Variants in INPP5D observed in about 807,000 individuals in gnomAD.
INPP5D encodes the protein inositol polyphosphate-5-phosphatase D, also known as phosphatidylinositol 3,4,5-trisphosphate 5-phosphatase 1.
In INPP5D, 33 loss-of-function variants were observed where a neutral mutation model predicts 122.9. That is an observed-to-expected ratio of 0.27 (90% confidence interval 0.20 to 0.36). The LOEUF (loss-of-function observed/expected upper bound fraction) is 0.36. Ranked by LOEUF, INPP5D falls within the 10% of genes least tolerant of loss-of-function variation. The pLI, the probability that INPP5D is intolerant of heterozygous loss-of-function variation, is 1.00. For synonymous variants in INPP5D, 584 were observed against 576.2 expected (o/e 1.01, Z -0.19); for missense variants, 1,053 against 1,412.7 (o/e 0.75, Z 4.08).
At chr2:233,061,470 C>T (rs976880404) in intron 1 of INPP5D, among the ~76,000 whole-genome samples, 8 of 152,126 alleles carry the variant, frequency 5.3e-5, no homozygotes, top group African/African-American at 1.9e-4. Flanking sequence ...TCAGGCAGTG[C>T]CGGAGTGTAG....
At position 233,204,366 on chromosome 2, in the gene INPP5D, G is replaced by A. The variant is rs772917886; in HGVS notation, c.3216G>A (p.Glu1072=). The A allele has an allele frequency of 3.0e-5, 48 of 1,610,140 alleles. No homozygotes were observed. Among genetic ancestry groups the A allele is most frequent in the Non-Finnish European group, 4.1e-5 (48 of 1,178,306 alleles). The stretch of plus-strand genomic sequence containing the variant: ...AAGCCCAGGAGGCTGATCGCGGCGA[G>A]GGGCCCGGCAAGCAGGTGCCCGCGC... The part of the protein sequence containing the change: ...LTKAQEADRG[E]GPGKQVPAPR... Residue 1072 remains glutamate (E), a synonymous_variant, in exon 26 of 27, where the codon GAG becomes GAA. Coordinates refer to ENST00000445964, the MANE Select transcript of INPP5D (RefSeq NM_001017915.3).
chr2:233,195,984 A>C (rs1695172896), intron 24 of INPP5D, among the ~76,000 whole-genome samples: 1 of 152,026 alleles, frequency 6.6e-6, no homozygotes, highest in South Asian at 2.1e-4. Flanking sequence ...AATAATAATA[A>C]TACTTAGCTG....
chr2:233,096,325 G>A (rs1230593719), intron 2 of INPP5D, among the ~76,000 whole-genome samples: 4 of 152,076 alleles, frequency 2.6e-5, no homozygotes, highest in Admixed American at 1.3e-4. Context: ...ATATGTGATC[G>A]CAATATTTTA....
At chr2:233,148,056 T>C (rs1693816444) in intron 9 of INPP5D, among the ~76,000 whole-genome samples, 1 of 152,226 alleles carries the variant, frequency 6.6e-6, no homozygotes, top group Non-Finnish European at 1.5e-5. Context: ...CAGCATGTAG[T>C]GGCCACTTTG....
In INPP5D at chr2:233,125,744, GTA is replaced by G; in HGVS notation, c.350_351del (p.Val117GlyfsTer22). 1 of 1,612,082 alleles carries G rather than the reference GTA, an allele frequency of 6.2e-7. No homozygotes were observed. The highest frequency in any genetic ancestry group is 8.5e-7 in the Non-Finnish European group (1 of 1,178,872). The part of the protein sequence containing the change: ...DTGDDPEEDT[V>X]ESVVSPPELP... ...AATGGCCTTCCTGCTGTTCTCTCCAGTAGAAAGTGTCGTGTCTCCACCCGAGC... is the reference window on the plus strand; with the variant it reads ...AATGGCCTTCCTGCTGTTCTCTCCAGGAAAGTGTCGTGTCTCCACCCGAGC... On this transcript the variant is annotated frameshift_variant and splice_region_variant, in exon 4 of 27. Coordinates refer to ENST00000445964, the MANE Select transcript of INPP5D (RefSeq NM_001017915.3). LOFTEE classifies it high-confidence loss of function.
At chr2:233,174,753 C>A (rs1406030333) in intron 17 of INPP5D, among the ~76,000 whole-genome samples, 1 of 146,176 alleles carries the variant, frequency 6.8e-6, no homozygotes, top group Non-Finnish European at 1.5e-5. Flanking sequence ...GATTGCCCCA[C>A]TGCACTCCAG....
At position 233,204,675 on chromosome 2, in the gene INPP5D, G is replaced by T. The variant is rs759268081; in HGVS notation, c.3525G>T (p.Pro1175=). The change falls in exon 26 of 27, where the codon CCG becomes CCT. Residue 1175 remains proline (P), a synonymous_variant. Transcript: ENST00000445964. The part of the protein sequence containing the change: ...TELPHHGKHR[P]EEGPPGPLGR... ...TCCCGCATCACGGCAAGCACCGGCC[G>T]GAGGAGGGGCCACCAGGGCCTCTAG... 2.5e-6 allele frequency: 4 copies of T among 1,568,638 alleles called. No individual in the cohort carries two copies. The South Asian group carries it at 3.5e-5, about 14-fold the overall frequency.
chr2:233,165,985 A>G (rs1223428786), intron 13 of INPP5D, among the ~76,000 whole-genome samples: 1 of 152,114 alleles, frequency 6.6e-6, no homozygotes, highest in African/African-American at 2.4e-5. Flanking sequence ...ACAGAGTCCC[A>G]GAGATAACAG....
chr2:233,181,816 G>A (rs1694791716), intron 18 of INPP5D, among the ~76,000 whole-genome samples: 1 of 152,166 alleles, frequency 6.6e-6, no homozygotes, highest in Admixed American at 6.5e-5. Flanking sequence ...AATAAAGTGA[G>A]CCAGGCGTGG....
chr2:233,080,837 G>A (rs1242766286), intron 2 of INPP5D, among the ~76,000 whole-genome samples: 1 of 152,196 alleles, frequency 6.6e-6, no homozygotes, highest in Non-Finnish European at 1.5e-5. Flanking sequence ...CAGCTTATGA[G>A]GATGGAAGGA....
chr2:233,175,217 CAAAAAAA>C (rs1220185296), intron 17 of INPP5D, among the ~76,000 whole-genome samples: 1 of 68,616 alleles, frequency 1.5e-5, no homozygotes, highest in Non-Finnish European at 2.5e-5. Context: ...GACTCCATCT[CAAAAAAA>C]AAAAAAAAAA....
At chr2:233,178,434 C>T (rs1399790217) in intron 18 of INPP5D, among the ~76,000 whole-genome samples, 1 of 151,908 alleles carries the variant, frequency 6.6e-6, no homozygotes, top group Admixed American at 6.6e-5. Context: ...TTGAACACTT[C>T]ACTGACTGAG....
At chr2:233,195,377 T>C (rs773998306) in intron 23 of INPP5D, 22 bp from the exon 24 acceptor site, 9 of 1,613,586 alleles carry the variant, frequency 5.6e-6, no homozygotes, top group Non-Finnish European at 1.7e-6. Flanking sequence ...TCACATGCTC[T>C]TTCCCGTCCC....
In INPP5D at chr2:233,158,395, G is replaced by A; in HGVS notation, c.1113G>A (p.Lys371=). 1 of 703,736 alleles carries A rather than the reference G, an allele frequency of 1.4e-6. No homozygotes were observed. Among genetic ancestry groups the A allele is most frequent in the Non-Finnish European group, 2.6e-6 (1 of 384,874 alleles). The allele number at this position is 703,736 out of a possible 1,614,324, so 43.6% of individuals were successfully genotyped here. The change falls in exon 10 of 27, where the codon AAG becomes AAA. Residue 371 remains lysine, a synonymous_variant. Coordinates refer to ENST00000445964, the MANE Select transcript of INPP5D (RefSeq NM_001017915.3). ...VETEKEKILR[K]EYVFADSKKR... is the part of the protein sequence containing the mutation. ...CAGAGAAGGAGAAGATCCTGCGGAA[G>A]GAATATGTTTTTGCTGACTCCAAAG...
At chr2:233,067,128 A>G (rs139483621) in intron 1 of INPP5D, among the ~76,000 whole-genome samples, 2 of 152,334 alleles carry the variant, frequency 1.3e-5, no homozygotes, top group African/African-American at 4.8e-5. Context: ...ATGTTGTGAA[A>G]CCAACACCAC....
At chr2:233,065,872 C>T (rs555231859) in intron 1 of INPP5D, among the ~76,000 whole-genome samples, 1 of 151,634 alleles carries the variant, frequency 6.6e-6, no homozygotes, top group South Asian at 2.1e-4. Flanking sequence ...GTCTCAAACT[C>T]CTGACCTCGT....
chr2:233,170,215 T>C lies in INPP5D; in HGVS notation c.1791+51T>C. ...GGCTGGGGCTGTATGAGATGGAGGCTCCCTTGAGTCAGCTTGGGGCAGGTG... is the reference window on the plus strand; with the variant it reads ...GGCTGGGGCTGTATGAGATGGAGGCCCCCTTGAGTCAGCTTGGGGCAGGTG... On this transcript the variant is annotated intron_variant, in intron 15 of 26. Coordinates refer to ENST00000445964, the MANE Select transcript of INPP5D (RefSeq NM_001017915.3). This position sits in a 1 kb window ranked among gnomAD's most constrained non-coding sequence, Gnocchi z 4.5. 1 of 1,590,208 alleles carries C rather than the reference T, an allele frequency of 6.3e-7. No individual in the cohort carries two copies. Among genetic ancestry groups the C allele is most frequent in the Non-Finnish European group, 8.6e-7 (1 of 1,167,540 alleles).
intron 2 of INPP5D, among the ~76,000 whole-genome samples, chr2:233,104,729 G>T (rs1692417163): frequency 1.3e-5 from 2 of 152,188 alleles, no homozygotes; most frequent in Admixed American, 1.3e-4. Flanking sequence ...GAATCGTTTG[G>T]TCAGCTGTTG....
At position 233,170,050 on chromosome 2, in the gene INPP5D, T is replaced by C; in HGVS notation, c.1677T>C (p.Ile559=). The C allele has an allele frequency of 1.2e-6, 2 of 1,613,960 alleles. No homozygotes were observed. The highest frequency in any genetic ancestry group is 1.7e-6 in the Non-Finnish European group (2 of 1,179,868). The part of the protein sequence containing the change: ...KLRRNQNYMN[I]LRFLALGDKK... ...GGCGAAACCAAAACTATATGAACAT[T>C]CTCCGGTTCCTGGCCCTGGGCGACA... Residue 559 remains isoleucine (I), a synonymous_variant, in exon 15 of 27, where the codon ATT becomes ATC. Transcript: ENST00000445964. This position sits in a 1 kb window ranked among gnomAD's most constrained non-coding sequence, Gnocchi z 4.5.
Sources: gnomAD v4.1 joint callset for allele counts (sites outside exome capture counted in the v4.1 genomes callset) on GRCh38, gnomAD v4.1.1 for gene constraint, Gnocchi (gnomAD v3.1) non-coding constraint, MANE v1.5 for transcripts, NCBI Gene and HGNC (gene_info 2026-07-23, HGNC 2026-07-21) for gene names.